Variants in TRPC7 observed in about 807,000 individuals in gnomAD.
The protein encoded by TRPC7 is transient receptor potential cation channel subfamily C member 7.
TRPC7 carries 42 observed loss-of-function variants against 90.1 expected under a neutral mutation model. The ratio of observed to expected loss-of-function variants is 0.47; its 90% CI spans 0.36 to 0.60. The LOEUF (loss-of-function observed/expected upper bound fraction) is 0.60, where lower values mean the gene tolerates loss of function less well. Ranked by LOEUF, TRPC7 falls within the 20% of genes least tolerant of loss-of-function variation. The pLI is 0.00. For missense variants in TRPC7, 955 were observed against 1,112.3 expected (o/e 0.86, Z 2.01); for synonymous variants, 451 against 436.3 (o/e 1.03, Z -0.42).
At chr5:136,362,505 G>A (rs371220844) in intron 1 of TRPC7, among the ~76,000 whole-genome samples, 5 of 152,100 alleles carry the variant, frequency 3.3e-5, no homozygotes, top group African/African-American at 9.7e-5. Flanking sequence ...AATGTATAGC[G>A]AACATGACAC....
chr5:136,215,015 A>G (rs1755218448), intron 11 of TRPC7, among the ~76,000 whole-genome samples: 1 of 152,180 alleles, frequency 6.6e-6, no homozygotes, highest in African/African-American at 2.4e-5. Flanking sequence ...CCCTTGGTGC[A>G]GTTTTCCAAA....
At chr5:136,314,781 C>A (rs1758956609) in intron 3 of TRPC7, among the ~76,000 whole-genome samples, 1 of 152,092 alleles carries the variant, frequency 6.6e-6, no homozygotes, top group Non-Finnish European at 1.5e-5. Flanking sequence ...CATTAAAACC[C>A]CTCAAAGACC....
At chr5:136,356,546 T>C (rs774372062) in intron 2 of TRPC7, 62 bp downstream of exon 2, 31 of 1,443,370 alleles carry the variant, frequency 2.1e-5, no homozygotes, top group Non-Finnish European at 2.6e-5. Flanking sequence ...CATTTCACAC[T>C]GGACACACGT....
intron 3 of TRPC7, among the ~76,000 whole-genome samples, chr5:136,290,025 C>A (rs1022555491): frequency 6.6e-6 from 1 of 152,216 alleles, no homozygotes; most frequent in African/African-American, 2.4e-5. Context: ...GATACCCAGG[C>A]AAACAGGGTC....
chr5:136,333,847 T>C (rs1561723100), intron 2 of TRPC7, among the ~76,000 whole-genome samples: 1 of 152,240 alleles, frequency 6.6e-6, no homozygotes, highest in African/African-American at 2.4e-5. Flanking sequence ...TCTTCTTTTA[T>C]ACAAATTTAT....
At chr5:136,325,604 A>G (rs1164097281) in intron 2 of TRPC7, among the ~76,000 whole-genome samples, 1 of 152,192 alleles carries the variant, frequency 6.6e-6, no homozygotes, top group African/African-American at 2.4e-5. Context: ...AGGATTGAAT[A>G]TAGTGTATTG....
chr5:136,349,963 T>C (rs976302643), intron 2 of TRPC7, among the ~76,000 whole-genome samples: 1 of 152,204 alleles, frequency 6.6e-6, no homozygotes, highest in Admixed American at 6.5e-5. Flanking sequence ...ATACACAAAT[T>C]CTGACCACTA....
chr5:136,255,504 A>G (rs989597486), intron 5 of TRPC7, among the ~76,000 whole-genome samples: 2 of 152,216 alleles, frequency 1.3e-5, no homozygotes, highest in East Asian at 1.9e-4. Flanking sequence ...TTTTTTAGAC[A>G]TGATGCTGTT....
At chr5:136,296,500 A>G (rs1561706758) in intron 3 of TRPC7, among the ~76,000 whole-genome samples, 1 of 152,246 alleles carries the variant, frequency 6.6e-6, no homozygotes, top group Non-Finnish European at 1.5e-5. Flanking sequence ...GTAAATAGAA[A>G]TACATTTTAA....
intron 3 of TRPC7, among the ~76,000 whole-genome samples, chr5:136,305,172 T>C (rs1045232839): frequency 4.6e-5 from 7 of 152,240 alleles, no homozygotes; most frequent in Non-Finnish European, 7.3e-5. Context: ...TGGCTTCCCA[T>C]ATTATTCCTG....
chr5:136,238,779 A>G (rs117345933), intron 7 of TRPC7, among the ~76,000 whole-genome samples: 1 of 152,300 alleles, frequency 6.6e-6, no homozygotes, highest in East Asian at 1.9e-4. Flanking sequence ...CCAGGGGCTC[A>G]CAGGTCCCAG....
intron 7 of TRPC7, among the ~76,000 whole-genome samples, chr5:136,235,879 T>C (rs1350154922): frequency 6.6e-6 from 1 of 152,168 alleles, no homozygotes; most frequent in Non-Finnish European, 1.5e-5. Context: ...GACACAGAGC[T>C]GGAGGAGTGA....
In TRPC7 at chr5:136,356,616, C is replaced by T. The variant is rs773517278; in HGVS notation, c.772G>A (p.Glu258Lys). 2 of 1,530,762 alleles carry T rather than the reference C, an allele frequency of 1.3e-6. No individual in the cohort carries two copies. The highest frequency in any genetic ancestry group is 8.8e-7 in the Non-Finnish European group (1 of 1,138,532). 94.8% of individuals were successfully genotyped at this position (1,530,762 alleles called of 1,614,324 possible). A position where few individuals can be genotyped will look rare whatever the true frequency, so the allele number is the denominator to read the frequency against. ...CTAAGTGGAAGAGTTACCTTAAATTCAGTCTCAATGTTGGCTAGTCTGGCT... is the reference window on the plus strand; with the variant it reads ...CTAAGTGGAAGAGTTACCTTAAATTTAGTCTCAATGTTGGCTAGTCTGGCT... ...ELARLANIETEFKNDYRKLSM... is the reference protein window; with the variant it reads ...ELARLANIETKFKNDYRKLSM... The change falls in exon 2 of 12, where the codon GAA (glutamate) becomes AAA (lysine). Residue 258 changes from glutamate to lysine, a missense_variant. Glu to Lys is a moderately conservative substitution (Grantham distance 56, BLOSUM62 1). Around this residue, in one of 4 missense-constraint regions of TRPC7, gnomAD observed 484 missense variants for 509.6 expected, o/e 0.95. Transcript: ENST00000513104.
At chr5:136,326,543 G>C (rs1415942198) in intron 2 of TRPC7, among the ~76,000 whole-genome samples, 7 of 152,164 alleles carry the variant, frequency 4.6e-5, no homozygotes, top group Admixed American at 2.0e-4. Context: ...GGAGAGGAGA[G>C]AGTAGATCTG....
chr5:136,251,626 AG>A (rs1358512120), intron 6 of TRPC7, 22 bp downstream of exon 6: 1 of 1,557,888 alleles, frequency 6.4e-7, no homozygotes, highest in Non-Finnish European at 8.8e-7. Context: ...AAAATGGAGT[AG>A]GGGAAGCACT....
intron 2 of TRPC7, among the ~76,000 whole-genome samples, chr5:136,332,704 G>A (rs975745060): frequency 6.6e-6 from 1 of 152,178 alleles, no homozygotes; most frequent in Non-Finnish European, 1.5e-5. Flanking sequence ...TAAGGTTTTG[G>A]CTTGAGCAAC....
chr5:136,314,389 G>A (rs982921062), intron 3 of TRPC7: 1 of 152,158 alleles, frequency 6.6e-6, no homozygotes, highest in Admixed American at 6.5e-5. Context: ...GAGTTTTCCT[G>A]AGCTGAGTAA....
chr5:136,288,525 C>A (rs1757812297), intron 3 of TRPC7, among the ~76,000 whole-genome samples: 1 of 149,990 alleles, frequency 6.7e-6, no homozygotes. Flanking sequence ...CAGAATAATT[C>A]CTGGAAGAAT....
intron 5 of TRPC7, among the ~76,000 whole-genome samples, chr5:136,259,166 A>G (rs1043430348): frequency 1.8e-4 from 28 of 152,238 alleles, no homozygotes; most frequent in African/African-American, 5.8e-4. Context: ...CTAAGTCTTC[A>G]TAATAGTCTG....
Sources: allele counts gnomAD v4.1 joint callset (sites outside exome capture counted in the v4.1 genomes callset), GRCh38; gene constraint gnomAD v4.1.1; regional missense constraint gnomAD v4.1.1; transcripts MANE v1.5; gene names NCBI Gene and HGNC (gene_info 2026-07-23, HGNC 2026-07-21).